The following TMEM132D variants were observed in gnomAD, a reference collection of about 807,000 sequenced individuals.
TMEM132D encodes mature OL transmembrane protein.
In TMEM132D, 21 loss-of-function variants were observed where a neutral mutation model predicts 62.3. The observed-to-expected ratio is 0.34, with a 90% CI of 0.24 to 0.49. The LOEUF (loss-of-function observed/expected upper bound fraction) is 0.49, where lower values mean the gene tolerates loss of function less well. Ranked by LOEUF, TMEM132D falls within the 20% of genes least tolerant of loss-of-function variation. The pLI is 0.99. For synonymous variants in TMEM132D, 621 were observed against 575.6 expected, an observed-to-expected ratio of 1.08 and a Z score of -1.13; for missense variants, 1,346 against 1,402.8, an observed-to-expected ratio of 0.96 and a Z score of 0.65.
chr12:129,092,383 G>C (rs1194772763), intron 5 of TMEM132D, among the ~76,000 whole-genome samples: 1 of 146,248 alleles, frequency 6.8e-6, no homozygotes, highest in African/African-American at 2.5e-5. Context: ...CTTTGCAGAA[G>C]TAGACATCCT....
chr12:129,571,491 G>T (rs967526831), intron 2 of TMEM132D, among the ~76,000 whole-genome samples: 1 of 152,092 alleles, frequency 6.6e-6, no homozygotes, highest in African/African-American at 2.4e-5. Context: ...AGAATGGCTT[G>T]AACCCAGGAG....
At chr12:129,346,005 G>A (rs564664553) in intron 3 of TMEM132D, among the ~76,000 whole-genome samples, 1 of 152,208 alleles carries the variant, frequency 6.6e-6, no homozygotes, top group South Asian at 2.1e-4. Flanking sequence ...ATAGTTTTAG[G>A]AGGAATGGTA....
intron 1 of TMEM132D, among the ~76,000 whole-genome samples, chr12:129,824,547 G>A (rs2137327941): frequency 6.6e-6 from 1 of 152,166 alleles, no homozygotes; most frequent in East Asian, 1.9e-4. Context: ...ACAACGGTGG[G>A]GGCCCCCGGG....
rs529312123 is a variant in TMEM132D, at chr12:129,268,511, C to T, written c.1300-58848G>A. On this transcript the variant is annotated intron_variant, in intron 4 of 8. Coordinates refer to ENST00000422113, the MANE Select transcript of TMEM132D (RefSeq NM_133448.3). The stretch of plus-strand genomic sequence containing the variant: ...TACCATCTCACACCAGTTAGAATGG[C>T]AATCATTAAAAAGTCAGGAAACAAC... Among the ~76,000 whole-genome samples the T allele has an allele frequency of 6.6e-5, 10 of 152,204 alleles. No homozygotes were observed. In the East Asian group the frequency reaches 1.9e-3, roughly 29 times the overall value.
chr12:129,559,043 TCATTAGAGTAATCCACTTTCTCAAAGAC>T (rs1461443852), intron 2 of TMEM132D, among the ~76,000 whole-genome samples: 5 of 152,216 alleles, frequency 3.3e-5, no homozygotes, highest in Non-Finnish European at 5.9e-5. Context: ...TGATATCCAG[TCATTAGAGTAATCCACTTTCTCAAAGAC>T]CATTAGAGTA....
intron 2 of TMEM132D, among the ~76,000 whole-genome samples, chr12:129,581,472 T>C (rs1877861470): frequency 6.6e-6 from 1 of 152,134 alleles, no homozygotes; most frequent in South Asian, 2.1e-4. Flanking sequence ...ACCTGAAAAT[T>C]AGGGAAGCCG....
chr12:129,688,180 T>G (rs1455098715), intron 2 of TMEM132D, among the ~76,000 whole-genome samples: 1 of 152,122 alleles, frequency 6.6e-6, no homozygotes, highest in Non-Finnish European at 1.5e-5. Flanking sequence ...GGTTATATGG[T>G]GGCATTTTTC....
At chr12:129,429,708 A>G (rs1170953118) in intron 3 of TMEM132D, among the ~76,000 whole-genome samples, 1 of 148,820 alleles carries the variant, frequency 6.7e-6, no homozygotes, top group Non-Finnish European at 1.5e-5. Flanking sequence ...AGCATTAGGT[A>G]TATCTCCTAA....
intron 5 of TMEM132D, among the ~76,000 whole-genome samples, chr12:129,134,764 C>A (rs1876505675): frequency 1.3e-5 from 2 of 152,154 alleles, no homozygotes; most frequent in African/African-American, 2.4e-5. Flanking sequence ...GGGCACTAGG[C>A]AAAGACCTAA....
intron 3 of TMEM132D, among the ~76,000 whole-genome samples, chr12:129,376,577 A>G (rs909570559): frequency 6.6e-6 from 1 of 152,198 alleles, no homozygotes; most frequent in African/African-American, 2.4e-5. Context: ...ATCAGGCTGA[A>G]TTTGTAAGCT....
chr12:129,107,947 C>T (rs903832416), intron 5 of TMEM132D, among the ~76,000 whole-genome samples: 5 of 151,984 alleles, frequency 3.3e-5, no homozygotes, highest in African/African-American at 1.2e-4. Flanking sequence ...CCTGCCTCAG[C>T]CTCCCAAAGT....
chr12:129,316,811 T>C (rs1868502683), intron 4 of TMEM132D, among the ~76,000 whole-genome samples: 2 of 150,760 alleles, frequency 1.3e-5, no homozygotes, highest in African/African-American at 4.8e-5. Context: ...GTAATTGTTG[T>C]ATAAATTTGG....
At chr12:129,676,838 A>C (rs190869384) in intron 2 of TMEM132D, among the ~76,000 whole-genome samples, 1 of 152,016 alleles carries the variant, frequency 6.6e-6, no homozygotes, top group Admixed American at 6.6e-5. Context: ...CTATCTACCT[A>C]ATCTATCTTT....
intron 1 of TMEM132D, among the ~76,000 whole-genome samples, chr12:129,705,602 A>T (rs1272731985): frequency 2.0e-5 from 3 of 152,198 alleles, no homozygotes; most frequent in African/African-American, 7.2e-5. Context: ...AAAGAAACAA[A>T]TGTATACCAT....
chr12:129,506,045 G>A (rs1214086527), intron 3 of TMEM132D, among the ~76,000 whole-genome samples: 1 of 152,136 alleles, frequency 6.6e-6, no homozygotes, highest in Admixed American at 6.6e-5. Context: ...GAGATGTGAG[G>A]TTCTATTCTA....
chr12:129,553,277 T>C (rs944817016), intron 2 of TMEM132D, among the ~76,000 whole-genome samples: 1 of 152,116 alleles, frequency 6.6e-6, no homozygotes, highest in African/African-American at 2.4e-5. Context: ...CGTGAGTCCA[T>C]CCTGGGGCTA....
At chr12:129,848,355 C>T (rs969660733) in intron 1 of TMEM132D, among the ~76,000 whole-genome samples, 2 of 152,170 alleles carry the variant, frequency 1.3e-5, no homozygotes, top group African/African-American at 4.8e-5. Flanking sequence ...AATTGGGACA[C>T]AGAAGTGACA....
chr12:129,325,854 G>A (rs921356595), intron 4 of TMEM132D, among the ~76,000 whole-genome samples: 2 of 152,164 alleles, frequency 1.3e-5, no homozygotes, highest in African/African-American at 2.4e-5. Context: ...TAATTCAAAG[G>A]TCATTGCCAG....
At chr12:129,241,528 C>G (rs1879937261) in intron 4 of TMEM132D, among the ~76,000 whole-genome samples, 1 of 152,096 alleles carries the variant, frequency 6.6e-6, no homozygotes, top group South Asian at 2.1e-4. Flanking sequence ...CTAGAACACC[C>G]TCTCCCTCCC....
Sources: allele counts gnomAD v4.1 joint callset (sites outside exome capture counted in the v4.1 genomes callset), GRCh38; gene constraint gnomAD v4.1.1; transcripts MANE v1.5; gene names NCBI Gene and HGNC (gene_info 2026-07-23, HGNC 2026-07-21).